DHRS9: variants seen among roughly 807,000 people sequenced by gnomAD.
DHRS9 encodes dehydrogenase/reductase SDR family member 9.
A neutral mutation model predicts 26.6 loss-of-function variants in DHRS9; 18 were observed. The ratio of observed to expected loss-of-function variants is 0.68; its 90% CI spans 0.47 to 1.00. The LOEUF (loss-of-function observed/expected upper bound fraction) is 1.00, where lower values mean the gene tolerates loss of function less well. DHRS9 is among the 50% of genes least tolerant of loss of function. DHRS9 has a pLI of 0.00. For synonymous variants in DHRS9, 134 were observed against 141.1 expected, an observed-to-expected ratio of 0.95 and a Z score of 0.36; for missense variants, 425 against 378.7, an observed-to-expected ratio of 1.12 and a Z score of -1.01.
intron 1 of DHRS9, chr2:169,070,880 C>G (rs182596977): frequency 8.4e-6 from 3 of 356,656 alleles, no homozygotes; most frequent in Non-Finnish European, 1.2e-5. Flanking sequence ...CTGGCTAACA[C>G]GGTGAAACCT....
rs12470000 is a variant in DHRS9, at chr2:169,071,602, G to A, written c.-60+1885G>A. On this transcript the variant is annotated intron_variant, in intron 1 of 4. Transcript: ENST00000674881. ...GAAGTACACACGAACTCCATGCCTCGCTGTCCCAGTACCCAAAGCACAGTC... is the reference window on the plus strand; with the variant it reads ...GAAGTACACACGAACTCCATGCCTCACTGTCCCAGTACCCAAAGCACAGTC... 6.3e-3 allele frequency among the ~76,000 whole-genome samples: 964 copies of A among 152,180 alleles called. 13 individuals are homozygous for A. In the East Asian group the frequency reaches 0.074, roughly 12 times the overall value.
chr2:169,087,550 C>A (rs1684390774), intron 3 of DHRS9, among the ~76,000 whole-genome samples: 1 of 152,104 alleles, frequency 6.6e-6, no homozygotes, highest in Non-Finnish European at 1.5e-5. Context: ...TTTTCTGAAG[C>A]ACAAGGAGTC....
chr2:169,074,280 T>C lies in DHRS9; in HGVS notation c.-60+4563T>C, dbSNP rs1051546483. On this transcript the variant is annotated intron_variant, in intron 1 of 4. Transcript: ENST00000674881. Reference sequence around the variant, plus strand: ...GTAGGAAAATGGAGGCTAAGAAAAGTTAATTTGTCCGAGGGCCCTCTGATG... The same window carrying C: ...GTAGGAAAATGGAGGCTAAGAAAAGCTAATTTGTCCGAGGGCCCTCTGATG... 3.0e-6 allele frequency: 3 copies of C among 985,374 alleles called. No individual in the cohort carries two copies. The South Asian group carries it at 1.4e-4, about 46-fold the overall frequency. The allele number at this position is 985,374 out of a possible 1,614,324, so 61.0% of individuals were successfully genotyped here.
chr2:169,088,834 G>C (rs982985605), intron 3 of DHRS9, among the ~76,000 whole-genome samples: 5 of 152,178 alleles, frequency 3.3e-5, no homozygotes, highest in African/African-American at 1.2e-4. Flanking sequence ...ATCAGAATAG[G>C]CTTCTCCATT....
At chr2:169,070,013 C>A in intron 1 of DHRS9, 1 of 855,690 alleles carries the variant, frequency 1.2e-6, no homozygotes, top group Non-Finnish European at 1.4e-6. Context: ...TCTGTGCCTT[C>A]TTGACACTAT....
At chr2:169,089,418 C>G (rs897261891) in intron 3 of DHRS9, among the ~76,000 whole-genome samples, 1 of 152,008 alleles carries the variant, frequency 6.6e-6, no homozygotes, top group African/African-American at 2.4e-5. Flanking sequence ...GGTAAGATTC[C>G]CAGGATATGA....
In DHRS9 at chr2:169,083,464, C is replaced by T. The variant is rs1419339579; in HGVS notation, c.449C>T (p.Pro150Leu). Residue 150 changes from proline to leucine, a missense_variant, in exon 3 of 5, where the codon CCT becomes CTT. By Grantham distance (98) the Pro-to-Leu change is moderately conservative. Transcript: ENST00000674881. ...ATCAGTGTGACACTAAATATGCTTCCTTTGGTCAAGAAAGCTCAAGGGAGA... is the reference window on the plus strand; with the variant it reads ...ATCAGTGTGACACTAAATATGCTTCTTTTGGTCAAGAAAGCTCAAGGGAGA... ...GLISVTLNML[P>L]LVKKAQGRVI... The T allele has an allele frequency of 1.9e-6, 3 of 1,614,078 alleles. No homozygotes were observed. Among genetic ancestry groups the T allele is most frequent in the South Asian group, 1.1e-5 (1 of 91,072 alleles).
chr2:169,070,414 C>T (rs1683764162), intron 1 of DHRS9: 3 of 985,256 alleles, frequency 3.0e-6, no homozygotes, highest in South Asian at 4.7e-5. Context: ...TCAATAAATA[C>T]ATTTTAAAAT....
At chr2:169,090,380 T>C (rs1222484151) in intron 3 of DHRS9, among the ~76,000 whole-genome samples, 2 of 152,240 alleles carry the variant, frequency 1.3e-5, no homozygotes, top group East Asian at 3.9e-4. Context: ...TTGGCACTGC[T>C]ACTTCCACAA....
chr2:169,078,541 A>G (rs1306188525), intron 1 of DHRS9, among the ~76,000 whole-genome samples: 1 of 152,212 alleles, frequency 6.6e-6, no homozygotes, highest in Non-Finnish European at 1.5e-5. Flanking sequence ...AGGTTTAAAC[A>G]TGTAATTTTG....
chr2:169,091,802 A>C lies in DHRS9; in HGVS notation c.585A>C (p.Lys195Asn). ...GTTCTTTTCACAGACGGGACATGAAAGCTTTTGGTGTGCACGTCTCATGCA... is the reference window on the plus strand; with the variant it reads ...GTTCTTTTCACAGACGGGACATGAACGCTTTTGGTGTGCACGTCTCATGCA... ...GFNDSLRRDM[K>N]AFGVHVSCIE... The change falls in exon 4 of 5, where the codon AAA (lysine) becomes AAC (asparagine). Residue 195 changes from lysine to asparagine, a missense_variant. Coordinates refer to ENST00000674881, the MANE Select transcript of DHRS9 (RefSeq NM_001376924.1). 4.3e-6 allele frequency: 7 copies of C among 1,610,332 alleles called. No homozygotes were observed. The highest frequency in any genetic ancestry group is 5.9e-6 in the Non-Finnish European group (7 of 1,177,618).
chr2:169,087,086 G>T (rs975548980), intron 3 of DHRS9, among the ~76,000 whole-genome samples: 2 of 152,142 alleles, frequency 1.3e-5, no homozygotes, highest in East Asian at 1.9e-4. Context: ...CCTACCCTTG[G>T]GTGAGGTGTC....
intron 3 of DHRS9, among the ~76,000 whole-genome samples, chr2:169,091,276 TAA>T (rs1684515775): frequency 9.0e-6 from 1 of 111,668 alleles, no homozygotes; most frequent in Non-Finnish European, 1.9e-5. Context: ...TAAAATAAAA[TAA>T]AATAAAATAA....
At chr2:169,086,763 C>G (rs747170716) in intron 3 of DHRS9, among the ~76,000 whole-genome samples, 1 of 152,130 alleles carries the variant, frequency 6.6e-6, no homozygotes, top group African/African-American at 2.4e-5. Context: ...ATAGAGGTAC[C>G]ACCTTGATGG....
At chr2:169,093,334 ACACACACACG>A (rs1205969873) in intron 4 of DHRS9, among the ~76,000 whole-genome samples, 1 of 151,718 alleles carries the variant, frequency 6.6e-6, no homozygotes, top group Non-Finnish European at 1.5e-5. Flanking sequence ...TACCCTAAAC[ACACACACACG>A]CACACACACA....
intron 1 of DHRS9, chr2:169,074,265 G>T: frequency 1.0e-6 from 1 of 985,308 alleles, no homozygotes; most frequent in Non-Finnish European, 1.2e-6. Flanking sequence ...GTAGGAAAAT[G>T]GAGGCTAAGA....
intron 1 of DHRS9, among the ~76,000 whole-genome samples, chr2:169,077,231 G>A (rs1862069): frequency 0.65 from 98,569 of 152,142 alleles, 34,099 homozygotes; most frequent in African/African-American, 0.91. Flanking sequence ...TTTGAATTGT[G>A]CATAGTTTTT....
At position 169,095,743 on chromosome 2, in the gene DHRS9, G is replaced by T. The variant is rs1449420505; in HGVS notation, c.936G>T (p.Glu312Asp). 6.2e-7 allele frequency: 1 copy of T among 1,613,766 alleles called. No homozygotes were observed. The highest frequency in any genetic ancestry group is 1.7e-5 in the Admixed American group (1 of 59,936). Residue 312 changes from glutamate (E) to aspartate (D), a missense_variant, in exon 5 of 5, where the codon GAG (glutamate) becomes GAT (aspartate). Coordinates refer to ENST00000674881, the MANE Select transcript of DHRS9 (RefSeq NM_001376924.1). ...TTTTATTGTTGAAACAGAAAGCAGAGCTGGCTAATCCCAAGGCAGTGTGAC... is the reference window on the plus strand; with the variant it reads ...TTTTATTGTTGAAACAGAAAGCAGATCTGGCTAATCCCAAGGCAGTGTGAC... ...QDFLLLKQKA[E>D]LANPKAV
At chr2:169,070,292 CAG>C in intron 1 of DHRS9, 2 of 985,418 alleles carry the variant, frequency 2.0e-6, no homozygotes, top group East Asian at 1.1e-4. Context: ...CCAGGGGTGG[CAG>C]CAATAAGCCT....
Sources: allele counts gnomAD v4.1 joint callset (sites outside exome capture counted in the v4.1 genomes callset), GRCh38; gene constraint gnomAD v4.1.1; transcripts MANE v1.5; gene names NCBI Gene and HGNC (gene_info 2026-07-23, HGNC 2026-07-21).